The following PTPRG variants were observed in gnomAD, a reference collection of about 807,000 sequenced individuals.
PTPRG encodes the protein receptor-type tyrosine-protein phosphatase gamma.
In PTPRG, 102 loss-of-function variants were observed where a neutral mutation model predicts 165.3. That is an observed-to-expected ratio of 0.62 (90% CI 0.53 to 0.73). The LOEUF is 0.73. Ranked by LOEUF, PTPRG falls within the 30% of genes least tolerant of loss-of-function variation. PTPRG has a pLI of 0.00. For missense variants in PTPRG, 1,866 were observed against 1,861.4 expected (o/e 1.00, Z -0.05); for synonymous variants, 675 against 669.5 (o/e 1.01, Z -0.13).
chr3:62,218,365 A>C (rs139022171), intron 12 of PTPRG, among the ~76,000 whole-genome samples: 3 of 152,308 alleles, frequency 2.0e-5, no homozygotes, highest in Non-Finnish European at 4.4e-5. Context: ...AGCAGCAAAG[A>C]ATAGATGGCC....
At chr3:61,742,650 G>A in intron 1 of PTPRG, 1 of 1,604,956 alleles carries the variant, frequency 6.2e-7, no homozygotes, top group Non-Finnish European at 8.5e-7. Context: ...ACTTGATTGT[G>A]GACTTCACCT....
intron 12 of PTPRG, among the ~76,000 whole-genome samples, chr3:62,204,245 A>T (rs1420243366): frequency 6.6e-6 from 1 of 152,202 alleles, no homozygotes; most frequent in Non-Finnish European, 1.5e-5. Flanking sequence ...AAAAAAAGCC[A>T]TCGATCTTAA....
chr3:61,832,975 A>C (rs1021121162), intron 2 of PTPRG, among the ~76,000 whole-genome samples: 4 of 151,804 alleles, frequency 2.6e-5, no homozygotes, highest in Non-Finnish European at 5.9e-5. Context: ...TCCATTCCTG[A>C]GTTATATCAC....
intron 2 of PTPRG, among the ~76,000 whole-genome samples, chr3:61,819,414 A>T (rs2035889529): frequency 6.6e-6 from 1 of 152,176 alleles, no homozygotes. Flanking sequence ...GTAGTGTTTC[A>T]GATAATCATA....
intron 1 of PTPRG, among the ~76,000 whole-genome samples, chr3:61,669,497 C>G (rs890757354): frequency 6.6e-6 from 1 of 152,196 alleles, no homozygotes; most frequent in African/African-American, 2.4e-5. Flanking sequence ...CTCCTTCTTA[C>G]TTCTCTTCCT....
chr3:62,082,291 T>C (rs1186855074), intron 5 of PTPRG, among the ~76,000 whole-genome samples: 1 of 152,234 alleles, frequency 6.6e-6, no homozygotes, highest in East Asian at 1.9e-4. Flanking sequence ...TGTCTGCCTT[T>C]GCTGTGCTTA....
At chr3:62,093,426 T>C (rs1702009889) in intron 5 of PTPRG, among the ~76,000 whole-genome samples, 1 of 151,990 alleles carries the variant, frequency 6.6e-6, no homozygotes, top group Non-Finnish European at 1.5e-5. Flanking sequence ...AGACGTGCCA[T>C]TGTCTGTTGG....
intron 2 of PTPRG, among the ~76,000 whole-genome samples, chr3:61,883,672 G>A (rs1013627398): frequency 2.6e-5 from 4 of 152,254 alleles, no homozygotes; most frequent in African/African-American, 9.6e-5. Context: ...TACCTTTTAT[G>A]GGTTGAAATA....
intron 4 of PTPRG, among the ~76,000 whole-genome samples, chr3:62,028,861 G>A (rs1228370481): frequency 6.6e-6 from 1 of 152,148 alleles, no homozygotes; most frequent in African/African-American, 2.4e-5. Context: ...CTTAGTTGGT[G>A]TCATATAGTC....
chr3:61,724,002 CGGGT>C (rs2032154474), intron 1 of PTPRG, among the ~76,000 whole-genome samples: 1 of 152,094 alleles, frequency 6.6e-6, no homozygotes, highest in African/African-American at 2.4e-5. Context: ...GAGGCTGAGG[CGGGT>C]GGATCACTTG....
At position 61,723,985 on chromosome 3, in the gene PTPRG, A is replaced by G. The variant is rs2032153526; in HGVS notation, c.86-24893A>G. 1.3e-5 allele frequency among the ~76,000 whole-genome samples: 2 copies of G among 152,202 alleles called. 1 individual carries two copies. Among genetic ancestry groups the G allele is most frequent in the South Asian group, 4.1e-4 (2 of 4,830 alleles). On this transcript the variant is annotated intron_variant, in intron 1 of 29. Transcript: ENST00000474889. ...TGTGGCTCATGCCTATAATCCCAGC[A>G]CTTTGGGAGGCTGAGGCGGGTGGAT...
At chr3:62,009,080 A>C in intron 4 of PTPRG, among the ~76,000 whole-genome samples, 1 of 152,258 alleles carries the variant, frequency 6.6e-6, no homozygotes, top group Non-Finnish European at 1.5e-5. Flanking sequence ...ACATTTCTTC[A>C]TATCTGGTTT....
intron 2 of PTPRG, among the ~76,000 whole-genome samples, chr3:61,957,803 T>C (rs956909642): frequency 5.9e-5 from 9 of 152,210 alleles, no homozygotes; most frequent in Admixed American, 1.3e-4. Context: ...CATCCAGTTT[T>C]GCACTATTGA....
chr3:62,275,873 C>A lies in PTPRG; in HGVS notation c.3466C>A (p.Leu1156Met). 6.3e-7 allele frequency: 1 copy of A among 1,594,840 alleles called. No individual in the cohort carries two copies. The highest frequency in any genetic ancestry group is 8.5e-7 in the Non-Finnish European group (1 of 1,170,412). ...GKTRLEKQFKLVTQCNAKYVE... is the reference protein window; with the variant it reads ...GKTRLEKQFKMVTQCNAKYVE... ...GACTAAAATGTTTTTTCTTTTTCAG[C>A]TGGTCACACAGTGTAATGCAAAATA... The change falls in exon 24 of 30, where the codon CTG (leucine) becomes ATG (methionine). Residue 1156 changes from leucine (L) to methionine (M), a missense_variant and splice_region_variant. Leu to Met is a conservative substitution (Grantham distance 15). Transcript: ENST00000474889.
At chr3:62,041,152 C>G (rs576248408) in intron 4 of PTPRG, among the ~76,000 whole-genome samples, 70 of 152,252 alleles carry the variant, frequency 4.6e-4, no homozygotes, top group African/African-American at 1.6e-3. Context: ...TTTCTATTCT[C>G]GGCACTTACA....
intron 2 of PTPRG, among the ~76,000 whole-genome samples, chr3:61,831,299 C>G (rs1333338023): frequency 6.6e-6 from 1 of 152,062 alleles, no homozygotes; most frequent in Non-Finnish European, 1.5e-5. Flanking sequence ...GAGCATAATA[C>G]CCATTTATGG....
chr3:61,709,083 C>CT (rs1321306980), intron 1 of PTPRG, among the ~76,000 whole-genome samples: 1 of 152,134 alleles, frequency 6.6e-6, no homozygotes, highest in Non-Finnish European at 1.5e-5. Flanking sequence ...TGCTTTAATC[C>CT]TTTTTGTGTT....
At chr3:61,597,895 A>C (rs995764221) in intron 1 of PTPRG, among the ~76,000 whole-genome samples, 3 of 152,238 alleles carry the variant, frequency 2.0e-5, no homozygotes, top group African/African-American at 7.2e-5. Context: ...CATGGAGTAT[A>C]AAACAAAGCT....
At chr3:62,184,691 C>A (rs1267813249) in intron 8 of PTPRG, among the ~76,000 whole-genome samples, 2 of 152,166 alleles carry the variant, frequency 1.3e-5, no homozygotes, top group Non-Finnish European at 2.9e-5. Flanking sequence ...TGGCTTAAGC[C>A]AAGCTGTTCC....
Sources: gnomAD v4.1 joint callset for allele counts (sites outside exome capture counted in the v4.1 genomes callset) on GRCh38, gnomAD v4.1.1 for gene constraint, MANE v1.5 for transcripts, NCBI Gene and HGNC (gene_info 2026-07-23, HGNC 2026-07-21) for gene names.